Variants in ACP6 observed in about 807,000 individuals in gnomAD.
The protein encoded by ACP6 is lysophosphatidic acid phosphatase type 6.
Under a neutral mutation model 48.1 loss-of-function variants are expected in ACP6, and 48 were observed. The ratio of observed to expected loss-of-function variants is 1.00; its 90% CI spans 0.79 to 1.27. The LOEUF (loss-of-function observed/expected upper bound fraction) is 1.27, where lower values mean the gene tolerates loss of function less well. ACP6 is among the 50% of genes most tolerant of loss of function. The probability of loss-of-function intolerance (pLI) is 0.00; values close to 1 mark genes in which losing one functional copy is unlikely to be tolerated. For missense variants in ACP6, 485 were observed against 529.1 expected, an observed-to-expected ratio of 0.92 and a Z score of 0.82; for synonymous variants, 172 against 204.2, an observed-to-expected ratio of 0.84 and a Z score of 1.34.
chr1:147,642,419 G>A lies in ACP6; in HGVS notation c.*5004C>T, dbSNP rs1347044484. The A allele has an allele frequency of 6.6e-6, 1 of 152,218 alleles. No homozygotes were observed. Among genetic ancestry groups the A allele is most frequent in the African/African-American group, 2.4e-5 (1 of 41,432 alleles). 9.4% of individuals were successfully genotyped at this position (152,218 alleles called of 1,614,324 possible). ...CACAGGAAAAGGGAGTGTGGGTCAG[G>A]GGTCAGGTGATGGAAAAATGTGTGC... On this transcript the variant is annotated 3_prime_UTR_variant, in exon 10 of 10. Coordinates refer to ENST00000583509, the MANE Select transcript of ACP6 (RefSeq NM_016361.5).
chr1:147,654,407 T>C (rs1216300439), intron 5 of ACP6, 81 bp from the exon 6 acceptor site: 3 of 1,520,222 alleles, frequency 2.0e-6, no homozygotes, highest in African/African-American at 2.8e-5. Context: ...TGGGTTATCA[T>C]TTGGGATATC....
intron 4 of ACP6, among the ~76,000 whole-genome samples, chr1:147,658,410 C>T (rs587619679): frequency 1.3e-5 from 2 of 152,260 alleles, no homozygotes; most frequent in East Asian, 3.9e-4. Flanking sequence ...GCTCTCAACA[C>T]ATGGGATCCA....
Position 147,670,171 on chromosome 1 carries a change from C to A in ACP6, c.-123G>T. Reference sequence around the variant, plus strand: ...GGAACCTGCGGATGCGTACATCCAGCCCTTCAGCAAGCAGGGACCGCTGTG... The same window carrying A: ...GGAACCTGCGGATGCGTACATCCAGACCTTCAGCAAGCAGGGACCGCTGTG... On this transcript the variant is annotated 5_prime_UTR_variant, in exon 1 of 10. Coordinates refer to ENST00000583509, the MANE Select transcript of ACP6 (RefSeq NM_016361.5). The A allele has an allele frequency of 6.5e-6, 6 of 925,248 alleles. No homozygotes were observed. The Admixed American group carries it at 1.5e-4, about 23-fold the overall frequency. The allele number at this position is 925,248 out of a possible 1,614,324, so 57.3% of individuals were successfully genotyped here.
chr1:147,636,684 G>A (rs868993234), intron 5 of ACP6, among the ~76,000 whole-genome samples: 3 of 152,228 alleles, frequency 2.0e-5, no homozygotes, highest in African/African-American at 7.2e-5. Flanking sequence ...GACAACATGT[G>A]TGTATGCCTA....
intron 5 of ACP6, among the ~76,000 whole-genome samples, chr1:147,632,562 T>C (rs1336213516): frequency 6.6e-6 from 1 of 151,370 alleles, no homozygotes; most frequent in East Asian, 1.9e-4. Context: ...GCAGGCCAAA[T>C]GACAGCGAAG....
intron 6 of ACP6, among the ~76,000 whole-genome samples, chr1:147,653,489 C>T (rs1427980443): frequency 6.6e-6 from 1 of 151,788 alleles, no homozygotes; most frequent in Non-Finnish European, 1.5e-5. Context: ...TTCATAAATT[C>T]CTACTTGATC....
rs776356245 is a variant in ACP6 at position 147,643,708 on chromosome 1, A to G, written c.*3715T>C. ...AAAGTTTCAGTTAAACAGTAGAAAT[A>G]AGTTTTTGTGATCTAGTGCACAGCA... On this transcript the variant is annotated 3_prime_UTR_variant, in exon 10 of 10. Transcript: ENST00000583509. 6 of 152,218 alleles carry G rather than the reference A, an allele frequency of 3.9e-5. No individual in the cohort carries two copies. The highest frequency in any genetic ancestry group is 7.3e-5 in the Non-Finnish European group (5 of 68,034). The allele number at this position is 152,218 out of a possible 1,614,324, so 9.4% of individuals were successfully genotyped here. A position where few individuals can be genotyped will look rare whatever the true frequency, so the allele number is the denominator to read the frequency against.
chr1:147,669,271 C>CAA lies in ACP6; in HGVS notation c.219+557_219+558dup, dbSNP rs1412424454. Among the ~76,000 whole-genome samples the CAA allele has an allele frequency of 8.9e-3, 1,333 of 150,506 alleles. 17 individuals carry two copies. The highest frequency in any genetic ancestry group is 0.029 in the African/African-American group (1,190 of 41,110). On this transcript the variant is annotated intron_variant, in intron 1 of 9. Transcript: ENST00000583509. ...GAACCCTAGAATACAACACTTGTTA[C>CAA]AAAAAAAAACTTCAGGAGATCTCAA...
intron 1 of ACP6, 81 bp from the exon 2 acceptor site, chr1:147,659,856 A>C: frequency 6.6e-7 from 1 of 1,519,630 alleles, no homozygotes; most frequent in South Asian, 1.3e-5. Flanking sequence ...AGCACTCAGA[A>C]CACATGGCTG....
At chr1:147,635,692 G>A (rs1311148378) in intron 5 of ACP6, among the ~76,000 whole-genome samples, 6 of 152,196 alleles carry the variant, frequency 3.9e-5, no homozygotes, top group Non-Finnish European at 8.8e-5. Flanking sequence ...GTTTGGACTA[G>A]ATATGGAGAT....
In ACP6 at chr1:147,648,003, G is replaced by C. The variant is rs781949493; in HGVS notation, c.1143+243C>G. The C allele has an allele frequency of 1.0e-4, 56 of 539,160 alleles. 1 individual carries two copies. Among genetic ancestry groups the C allele is most frequent in the Middle Eastern group, 9.6e-4 (2 of 2,078 alleles). 33.4% of individuals were successfully genotyped at this position (539,160 alleles called of 1,614,324 possible). On this transcript the variant is annotated intron_variant, in intron 9 of 9. Transcript: ENST00000583509. The stretch of plus-strand genomic sequence containing the variant: ...GGGACGCTCAGGAGAAGAGGAGGGG[G>C]ACCCTGTTCCTAGGAGTCTGTAACA...
At position 147,632,673 on chromosome 1, in the gene ACP6, CT is replaced by C. The variant is rs1223465465; in HGVS notation, c.461-1609del. On this transcript the variant is annotated intron_variant, in intron 5 of 5. Transcript: ENST00000609196. ...CAAAAGCCAAGAAAAGGAATTTCAT[CT>C]TGATATGGGAAACAATTGGGACCCA... Among the ~76,000 whole-genome samples, 42 of 152,200 alleles carry C rather than the reference CT, an allele frequency of 2.8e-4. 1 individual carries two copies. The highest frequency in any genetic ancestry group is 1.0e-3 in the African/African-American group (42 of 41,524).
chr1:147,637,651 A>G (rs1189837962), downstream of ACP6, among the ~76,000 whole-genome samples: 1 of 152,206 alleles, frequency 6.6e-6, no homozygotes, highest in African/African-American at 2.4e-5. Context: ...TGAGGAACAC[A>G]TCATACTATG....
Position 147,644,912 on chromosome 1 carries a change from C to T in ACP6, c.*2511G>A, listed in dbSNP as rs1328811076. The T allele has an allele frequency of 6.6e-6, 1 of 151,604 alleles. No homozygotes were observed. The highest frequency in any genetic ancestry group is 2.4e-5 in the African/African-American group (1 of 41,292). The allele number at this position is 151,604 out of a possible 1,614,324, so 9.4% of individuals were successfully genotyped here. A position where few individuals can be genotyped will look rare whatever the true frequency, so the allele number is the denominator to read the frequency against. ...GACTGTTGGAAATGAGACTGGGATT[C>T]ACAGGGAAAGGTCTAGGTTGAAGGT... On this transcript the variant is annotated 3_prime_UTR_variant, in exon 10 of 10. Transcript: ENST00000583509.
chr1:147,640,586 A>G (rs922097980), downstream of ACP6, among the ~76,000 whole-genome samples: 1 of 152,216 alleles, frequency 6.6e-6, no homozygotes, highest in Non-Finnish European at 1.5e-5. Context: ...TTGCACAAAT[A>G]AAGATATACA....
chr1:147,639,817 C>T (rs587614140), downstream of ACP6, among the ~76,000 whole-genome samples: 5 of 152,268 alleles, frequency 3.3e-5, no homozygotes, highest in South Asian at 1.0e-3. Context: ...TCTCTCAAAT[C>T]CAGATTTTCC....
chr1:147,637,741 C>A (rs1659335332), downstream of ACP6, among the ~76,000 whole-genome samples: 1 of 152,220 alleles, frequency 6.6e-6, no homozygotes, highest in African/African-American at 2.4e-5. Context: ...GATCAGAACT[C>A]TGCATTTGTC....
At chr1:147,637,853 C>T (rs587709326), downstream of ACP6, among the ~76,000 whole-genome samples, 158 of 152,314 alleles carry the variant, frequency 1.0e-3, no homozygotes, top group African/African-American at 3.7e-3. Context: ...TTCAATTAGT[C>T]ATCCAGTAAG....
intron 1 of ACP6, 31 bp downstream of exon 1, chr1:147,669,799 C>T (rs1553214297): frequency 1.9e-6 from 3 of 1,539,426 alleles, no homozygotes; most frequent in Non-Finnish European, 2.6e-6. Context: ...GGTCCTCGCC[C>T]CACCAGCCCC....
Sources: gnomAD v4.1 joint callset for allele counts (sites outside exome capture counted in the v4.1 genomes callset) on GRCh38, gnomAD v4.1.1 for gene constraint, MANE v1.5 for transcripts, NCBI Gene and HGNC (gene_info 2026-07-23, HGNC 2026-07-21) for gene names.